Variants in ZDHHC14 observed in about 807,000 individuals in gnomAD.
ZDHHC14 encodes the protein zDHHC palmitoyltransferase 14, also known as palmitoyltransferase ZDHHC14.
A neutral mutation model predicts 47.7 loss-of-function variants in ZDHHC14; 16 were observed. The ratio of observed to expected loss-of-function variants is 0.34; its 90% CI spans 0.23 to 0.51. ZDHHC14 has a LOEUF of 0.51. Ranked by LOEUF, ZDHHC14 falls within the 20% of genes least tolerant of loss-of-function variation. The probability of loss-of-function intolerance (pLI) is 0.97; values close to 1 mark genes in which losing one functional copy is unlikely to be tolerated. For synonymous variants in ZDHHC14, 293 were observed against 278.9 expected, an observed-to-expected ratio of 1.05 and a Z score of -0.50; for missense variants, 515 against 662.5, an observed-to-expected ratio of 0.78 and a Z score of 2.44.
intron 1 of ZDHHC14, among the ~76,000 whole-genome samples, chr6:157,416,458 T>A (rs1160228637): frequency 6.6e-6 from 1 of 151,236 alleles, no homozygotes; most frequent in Non-Finnish European, 1.5e-5. Context: ...AGTTCAAGAG[T>A]TTGAGGCCAG....
rs552188936 is a variant in ZDHHC14, at chr6:157,502,231, T to C, written c.246-40354T>C. On this transcript the variant is annotated intron_variant, in intron 1 of 8. Coordinates refer to ENST00000359775, the MANE Select transcript of ZDHHC14 (RefSeq NM_024630.3). The surrounding 1 kb of genome is among the most constrained non-coding windows in gnomAD (Gnocchi z 4.0). ...CAGCATAACACCTTCCTTTAAGATA[T>C]GCACAGCCTAGAAGGGAAGACCAAG... Among the ~76,000 whole-genome samples, 1 of 152,244 alleles carries C rather than the reference T, an allele frequency of 6.6e-6. No individual in the cohort carries two copies. Among genetic ancestry groups the C allele is most frequent in the East Asian group, 1.9e-4 (1 of 5,182 alleles).
At chr6:157,445,769 AAGCC>A (rs1778654109) in intron 1 of ZDHHC14, among the ~76,000 whole-genome samples, 1 of 152,192 alleles carries the variant, frequency 6.6e-6, no homozygotes, top group Non-Finnish European at 1.5e-5. Flanking sequence ...GGTTTGGAAA[AAGCC>A]AGAGAGAGAG....
In ZDHHC14 at chr6:157,465,255, A is replaced by G. The variant is rs187498035; in HGVS notation, c.246-77330A>G. On this transcript the variant is annotated intron_variant, in intron 1 of 8. Transcript: ENST00000359775. ...ACATTTTAGATTGTGTTAGTTTCAGATTATACTTAACTTGTCATAAACCAA... is the reference window on the plus strand; with the variant it reads ...ACATTTTAGATTGTGTTAGTTTCAGGTTATACTTAACTTGTCATAAACCAA... 5.9e-5 allele frequency among the ~76,000 whole-genome samples: 9 copies of G among 152,164 alleles called. No individual in the cohort carries two copies. The South Asian group carries it at 1.9e-3, about 32-fold the overall frequency.
intron 3 of ZDHHC14, among the ~76,000 whole-genome samples, chr6:157,616,672 C>T (rs763784426): frequency 6.6e-6 from 1 of 152,100 alleles, no homozygotes; most frequent in Non-Finnish European, 1.5e-5. Flanking sequence ...AGATGTATGC[C>T]CTAAAATCCC....
intron 1 of ZDHHC14, among the ~76,000 whole-genome samples, chr6:157,392,544 C>G (rs1383536830): frequency 1.3e-5 from 2 of 151,978 alleles, no homozygotes; most frequent in Non-Finnish European, 2.9e-5. Flanking sequence ...TCTGATTGAA[C>G]CAGCCAGGCC....
At position 157,464,000 on chromosome 6, in the gene ZDHHC14, G is replaced by T. The variant is rs1779152733; in HGVS notation, c.246-78585G>T. Reference sequence around the variant, plus strand: ...AGATTGCATCACGGCACTCCAGCCTGGGTGACAGAGCAAGATTCTGTCTCA... The same window carrying T: ...AGATTGCATCACGGCACTCCAGCCTTGGTGACAGAGCAAGATTCTGTCTCA... On this transcript the variant is annotated intron_variant, in intron 1 of 8. Coordinates refer to ENST00000359775, the MANE Select transcript of ZDHHC14 (RefSeq NM_024630.3). The surrounding 1 kb of genome is among the most constrained non-coding windows in gnomAD (Gnocchi z 4.4). Among the ~76,000 whole-genome samples, 2 of 152,114 alleles carry T rather than the reference G, an allele frequency of 1.3e-5. No homozygotes were observed. Among genetic ancestry groups the T allele is most frequent in the African/African-American group, 2.4e-5 (1 of 41,410 alleles).
At chr6:157,470,031 GTGT>G (rs1027684111) in intron 1 of ZDHHC14, among the ~76,000 whole-genome samples, 1 of 152,190 alleles carries the variant, frequency 6.6e-6, no homozygotes, top group Non-Finnish European at 1.5e-5. Flanking sequence ...ACTTGAAAGT[GTGT>G]TGTTGTGAGG....
intron 1 of ZDHHC14, among the ~76,000 whole-genome samples, chr6:157,457,737 A>T (rs1339644954): frequency 6.6e-6 from 1 of 152,138 alleles, no homozygotes; most frequent in Non-Finnish European, 1.5e-5. Flanking sequence ...TCCTGTATAG[A>T]TTCTGTGTTC....
intron 1 of ZDHHC14, among the ~76,000 whole-genome samples, chr6:157,453,226 C>G (rs1778842717): frequency 6.6e-6 from 1 of 152,178 alleles, no homozygotes; most frequent in African/African-American, 2.4e-5. Context: ...CTCTACTTCT[C>G]ATCTATGTTC....
intron 3 of ZDHHC14, among the ~76,000 whole-genome samples, chr6:157,625,281 T>C (rs1785357313): frequency 6.6e-6 from 1 of 152,032 alleles, no homozygotes; most frequent in Non-Finnish European, 1.5e-5. Context: ...TCAGGAAAGA[T>C]GCCTGGGGTT....
intron 1 of ZDHHC14, among the ~76,000 whole-genome samples, chr6:157,489,255 G>A (rs1035422391): frequency 1.3e-5 from 2 of 152,178 alleles, no homozygotes; most frequent in Non-Finnish European, 2.9e-5. Flanking sequence ...AACATTACTG[G>A]AGGCTTAAAT....
At chr6:157,464,619 G>A (rs1199423840) in intron 1 of ZDHHC14, among the ~76,000 whole-genome samples, 2 of 152,146 alleles carry the variant, frequency 1.3e-5, no homozygotes, top group Non-Finnish European at 2.9e-5. Context: ...TTTCCCTCTT[G>A]TAAATGAATC....
chr6:157,483,765 C>T (rs369824074), intron 1 of ZDHHC14, among the ~76,000 whole-genome samples: 8 of 152,168 alleles, frequency 5.3e-5, no homozygotes, highest in South Asian at 2.1e-4. Flanking sequence ...GGTGTGCACA[C>T]GCTTGCTACA....
At chr6:157,597,118 G>A (rs113605889) in intron 3 of ZDHHC14, among the ~76,000 whole-genome samples, 1 of 152,082 alleles carries the variant, frequency 6.6e-6, no homozygotes, top group Non-Finnish European at 1.5e-5. Context: ...CAGCATTTCG[G>A]GTTGTTTATT....
intron 8 of ZDHHC14, among the ~76,000 whole-genome samples, chr6:157,672,187 G>A (rs1304052033): frequency 6.6e-6 from 1 of 152,140 alleles, no homozygotes; most frequent in East Asian, 1.9e-4. Flanking sequence ...TCCTTTTTAA[G>A]GCTGAATCAG....
intron 1 of ZDHHC14, among the ~76,000 whole-genome samples, chr6:157,510,600 C>T (rs907007184): frequency 1.2e-4 from 19 of 152,258 alleles, no homozygotes; most frequent in Non-Finnish European, 2.5e-4. Context: ...CTCCCCCTAC[C>T]TTCTGACCTC....
chr6:157,446,306 A>G (rs1474351638), intron 1 of ZDHHC14, among the ~76,000 whole-genome samples: 1 of 152,130 alleles, frequency 6.6e-6, no homozygotes, highest in Non-Finnish European at 1.5e-5. Flanking sequence ...ACATAGCCAC[A>G]TGCAATCCAT....
rs556999449 is a variant in ZDHHC14, at chr6:157,417,880, G to T, written c.245+35614G>T. On this transcript the variant is annotated intron_variant, in intron 1 of 8. Transcript: ENST00000359775. ...GAGGCAGGAGAATGGCCTGAACCCA[G>T]GAGGCGGAGCTTGCAGTGACCTGTG... 9.9e-5 allele frequency among the ~76,000 whole-genome samples: 15 copies of T among 151,974 alleles called. No homozygotes were observed. In the South Asian group the frequency reaches 1.3e-3, roughly 13 times the overall value.
At chr6:157,604,236 T>C (rs1412473766) in intron 3 of ZDHHC14, among the ~76,000 whole-genome samples, 1 of 151,136 alleles carries the variant, frequency 6.6e-6, no homozygotes. Context: ...ACAGTGAACC[T>C]TGATCACGCC....
Sources: gnomAD v4.1 joint callset for allele counts (sites outside exome capture counted in the v4.1 genomes callset) on GRCh38, gnomAD v4.1.1 for gene constraint, Gnocchi (gnomAD v3.1) non-coding constraint, MANE v1.5 for transcripts, NCBI Gene and HGNC (gene_info 2026-07-23, HGNC 2026-07-21) for gene names.